Variants in CES4A observed in about 807,000 individuals in gnomAD.
The protein encoded by CES4A is carboxylesterase 6.
A neutral mutation model predicts 65.4 loss-of-function variants in CES4A; 48 were observed. That is an observed-to-expected ratio of 0.73 (90% CI 0.58 to 0.93). The LOEUF (loss-of-function observed/expected upper bound fraction) is 0.93, where lower values mean the gene tolerates loss of function less well. Ranked by LOEUF, CES4A falls within the 40% of genes least tolerant of loss-of-function variation. CES4A has a pLI of 0.00. For synonymous variants in CES4A, 247 were observed against 281.8 expected, an observed-to-expected ratio of 0.88 and a Z score of 1.24; for missense variants, 685 against 728.5, an observed-to-expected ratio of 0.94 and a Z score of 0.69.
Position 67,008,996 on chromosome 16 carries a change from C to T in CES4A, c.1540C>T (p.Pro514Ser), listed in dbSNP as rs774279200. 105 of 1,613,730 alleles carry T rather than the reference C, an allele frequency of 6.5e-5. No individual in the cohort carries two copies. Among genetic ancestry groups the T allele is most frequent in the Non-Finnish European group, 8.7e-5 (103 of 1,179,914 alleles). Residue 514 changes from proline to serine, a missense_variant, in exon 14 of 14, where the codon CCC (proline) becomes TCC (serine). By Grantham distance (74) the Pro-to-Ser change is moderately conservative. Transcript: ENST00000648724. ...CAGAAACCCCAATGATGGGAATCTG[C>T]CCTGCTGGCCACGCTACAACAAGGA... is the stretch of plus-strand genomic sequence containing the variant.
chr16:67,009,126 A>C, exon 14 of CES4A: 1 of 1,613,096 alleles, frequency 6.2e-7, no homozygotes, highest in Non-Finnish European at 8.5e-7. Context: ...AGACCTGAGA[A>C]GCAGAGGCAA....
At chr16:67,004,991 G>A in intron 10 of CES4A, 118 bp downstream of exon 10, 1 of 892,684 alleles carries the variant, frequency 1.1e-6, no homozygotes, top group East Asian at 2.6e-5. Flanking sequence ...ATCTTTCTTG[G>A]AGGGTCTGGG....
intron 13 of CES4A, 34 bp from the exon 14 acceptor site, chr16:67,008,940 C>T (rs915255843): frequency 6.3e-7 from 1 of 1,594,346 alleles, no homozygotes; most frequent in African/African-American, 1.3e-5. Context: ...TGAAAAGGAA[C>T]ACAGGTAATC....
exon 1 of CES4A, chr16:66,988,639 C>T (rs1227054486): frequency 2.7e-6 from 4 of 1,497,198 alleles, no homozygotes; most frequent in Non-Finnish European, 3.6e-6. Flanking sequence ...CCTCCCGCCC[C>T]AGTACTTGCT....
intron 2 of CES4A, among the ~76,000 whole-genome samples, chr16:66,997,548 A>C (rs977935512): frequency 6.6e-6 from 1 of 152,162 alleles, no homozygotes; most frequent in African/African-American, 2.4e-5. Context: ...GGAGAATTGG[A>C]TATAAGCCAC....
intron 1 of CES4A, among the ~76,000 whole-genome samples, chr16:66,989,789 AG>A (rs1211857490): frequency 6.6e-6 from 1 of 151,630 alleles, no homozygotes; most frequent in African/African-American, 2.4e-5. Flanking sequence ...CAGGAGGCAG[AG>A]GTTGTAGTGA....
chr16:67,009,330 C>A, exon 14 of CES4A: 1 of 551,602 alleles, frequency 1.8e-6, no homozygotes, highest in Non-Finnish European at 3.2e-6. Flanking sequence ...ACTGCCCTTT[C>A]CAGCCTGACA....
intron 5 of CES4A, among the ~76,000 whole-genome samples, chr16:67,002,702 C>T (rs1346559883): frequency 6.6e-6 from 1 of 152,104 alleles, no homozygotes; most frequent in Non-Finnish European, 1.5e-5. Flanking sequence ...GTTCCCCCAA[C>T]TTGGGCAGTG....
intron 1 of CES4A, among the ~76,000 whole-genome samples, 153 bp from the exon 2 acceptor site, chr16:66,995,453 TTCCCATGACAGATGGGCCAGGG>T (rs1167815258): frequency 6.6e-6 from 1 of 152,218 alleles, no homozygotes; most frequent in Non-Finnish European, 1.5e-5. Context: ...CAGCCACTGC[TTCCCATGACAGATGGGCCAGGG>T]TCCCATTTGT....
intron 1 of CES4A, among the ~76,000 whole-genome samples, chr16:66,994,700 A>T (rs1964684051): frequency 6.6e-6 from 1 of 150,858 alleles, no homozygotes; most frequent in African/African-American, 2.4e-5. Flanking sequence ...TTAGCCAGGC[A>T]TGGTGGTGCA....
chr16:66,996,465 C>G (rs558873992), intron 2 of CES4A, among the ~76,000 whole-genome samples: 12 of 152,318 alleles, frequency 7.9e-5, no homozygotes, highest in Admixed American at 1.3e-4. Context: ...ACATCACCCC[C>G]CTGACCCAGT....
intron 12 of CES4A, 24 bp downstream of exon 12, chr16:67,006,543 C>A: frequency 1.3e-6 from 2 of 1,542,258 alleles, no homozygotes; most frequent in Non-Finnish European, 1.7e-6. Flanking sequence ...ACCTGATACC[C>A]CAACTGGGTG....
Position 67,000,484 on chromosome 16 carries a change from G to C in CES4A, c.261-154G>C. The C allele has an allele frequency of 1.4e-6, 2 of 1,423,562 alleles. No homozygotes were observed. Among genetic ancestry groups the C allele is most frequent in the Non-Finnish European group, 1.8e-6 (2 of 1,091,864 alleles). The allele number at this position is 1,423,562 out of a possible 1,614,324, so 88.2% of individuals were successfully genotyped here. A position where few individuals can be genotyped will look rare whatever the true frequency, so the allele number is the denominator to read the frequency against. ...CCCAGTCCTGGGCCCCGGGGCTGGCGGAGGCCTCCTGTACACGCACACGCA... is the reference window on the plus strand; with the variant it reads ...CCCAGTCCTGGGCCCCGGGGCTGGCCGAGGCCTCCTGTACACGCACACGCA... On this transcript the variant is annotated intron_variant, in intron 2 of 13. Transcript: ENST00000648724. This position sits in a 1 kb window ranked among gnomAD's most constrained non-coding sequence, Gnocchi z 4.2.
intron 13 of CES4A, 128 bp downstream of exon 13, chr16:67,006,945 C>A: frequency 1.3e-6 from 1 of 769,924 alleles, no homozygotes. Context: ...AACAGGGTGC[C>A]CCTTCTTCTT....
rs577059007 is a variant in CES4A, at chr16:67,006,039, G to C, written c.1316-352G>C. On this transcript the variant is annotated intron_variant, in intron 11 of 13. Transcript: ENST00000648724. ...GAACATGTGGGTAACAGGTTAAAGG[G>C]GGGGGGGCTGGAAAATGCAGACACC... 1.4e-3 allele frequency: 338 copies of C among 245,964 alleles called. 1 individual carries two copies. Among genetic ancestry groups the C allele is most frequent in the Non-Finnish European group, 1.9e-3 (237 of 123,480 alleles). 15.2% of individuals were successfully genotyped at this position (245,964 alleles called of 1,614,324 possible). A position where few individuals can be genotyped will look rare whatever the true frequency, so the allele number is the denominator to read the frequency against.
At position 67,000,386 on chromosome 16, in the gene CES4A, C is replaced by A; in HGVS notation, c.261-252C>A. 1 of 796,658 alleles carries A rather than the reference C, an allele frequency of 1.3e-6. No individual in the cohort carries two copies. The highest frequency in any genetic ancestry group is 1.5e-6 in the Non-Finnish European group (1 of 657,852). 49.3% of individuals were successfully genotyped at this position (796,658 alleles called of 1,614,324 possible). On this transcript the variant is annotated intron_variant, in intron 2 of 13. Transcript: ENST00000648724. The surrounding 1 kb of genome is among the most constrained non-coding windows in gnomAD (Gnocchi z 4.2). Reference sequence around the variant, plus strand: ...CAGGTTCCTGCCTTGACAGCACCAACAGGAGCAGGAATCTCTCCACGGACT... The same window carrying A: ...CAGGTTCCTGCCTTGACAGCACCAAAAGGAGCAGGAATCTCTCCACGGACT...
rs548056650 is a variant in CES4A at position 67,005,006 on chromosome 16, G to T, written c.1161+133G>T. ...ATCTTTCTTGGAGGGTCTGGGGTTTGCTGTGGGATCAGATGACTGCTTACA... is the reference window on the plus strand; with the variant it reads ...ATCTTTCTTGGAGGGTCTGGGGTTTTCTGTGGGATCAGATGACTGCTTACA... On this transcript the variant is annotated intron_variant, in intron 10 of 13. Transcript: ENST00000648724. The T allele has an allele frequency of 1.6e-5, 13 of 818,036 alleles. No individual in the cohort carries two copies. The East Asian group carries it at 2.9e-4, about 18-fold the overall frequency. 50.7% of individuals were successfully genotyped at this position (818,036 alleles called of 1,614,324 possible).
intron 5 of CES4A, among the ~76,000 whole-genome samples, chr16:67,002,250 C>T (rs980983461): frequency 6.6e-5 from 10 of 152,136 alleles, no homozygotes; most frequent in Non-Finnish European, 7.3e-5. Context: ...ACCATTACCT[C>T]CGCCTCCCGG....
At chr16:66,991,334 C>A (rs1396660066) in intron 1 of CES4A, among the ~76,000 whole-genome samples, 1 of 152,174 alleles carries the variant, frequency 6.6e-6, no homozygotes, top group Non-Finnish European at 1.5e-5. Flanking sequence ...GGCAAGTGAA[C>A]TTTTCATGGC....
Sources: allele counts gnomAD v4.1 joint callset (sites outside exome capture counted in the v4.1 genomes callset), GRCh38; gene constraint gnomAD v4.1.1; non-coding constraint Gnocchi (gnomAD v3.1); transcripts MANE v1.5; gene names NCBI Gene and HGNC (gene_info 2026-07-23, HGNC 2026-07-21).